The following ZKSCAN5 variants were observed in gnomAD, a reference collection of about 807,000 sequenced individuals.
ZKSCAN5 encodes zinc finger protein with KRAB and SCAN domains 5.
Under a neutral mutation model 60.0 loss-of-function variants are expected in ZKSCAN5, and 28 were observed. That is an observed-to-expected ratio of 0.47 (90% CI 0.35 to 0.64). The LOEUF (loss-of-function observed/expected upper bound fraction) is 0.64, where lower values mean the gene tolerates loss of function less well. Among genes scored for constraint, ZKSCAN5 ranks in the 30% least tolerant of loss-of-function variants. The pLI is 0.01. For missense variants in ZKSCAN5, 881 were observed against 1,034.6 expected (o/e 0.85, Z 2.04); for synonymous variants, 361 against 371.2 (o/e 0.97, Z 0.31).
intron 5 of ZKSCAN5, among the ~76,000 whole-genome samples, chr7:99,523,606 AAATC>A (rs58654797): frequency 2.6e-3 from 377 of 143,128 alleles, no homozygotes; most frequent in African/African-American, 6.4e-3. Context: ...ACCCAGTCTC[AAATC>A]AATCAATCAA....
chr7:99,527,470 T>G (rs1328969524), intron 6 of ZKSCAN5, among the ~76,000 whole-genome samples: 1 of 148,122 alleles, frequency 6.8e-6, no homozygotes, highest in Non-Finnish European at 1.5e-5. Context: ...GTATGTTTCC[T>G]TTTTTTTTTA....
chr7:99,507,462 C>CGTATATATGTGTATATATGTGTATATAT (rs1562901428), intron 2 of ZKSCAN5, among the ~76,000 whole-genome samples: 126 of 133,892 alleles, frequency 9.4e-4, no homozygotes, highest in African/African-American at 3.7e-3. Context: ...TATATATATG[C>CGTATATATGTGTATATATGTGTATATAT]GTATATATGT....
In ZKSCAN5 at chr7:99,519,137, G is replaced by A. The variant is rs544755430; in HGVS notation, c.554-690G>A. Among the ~76,000 whole-genome samples, 17 of 147,526 alleles carry A rather than the reference G, an allele frequency of 1.2e-4. No homozygotes were observed. In the East Asian group the frequency reaches 2.6e-3, roughly 23 times the overall value. On this transcript the variant is annotated intron_variant, in intron 3 of 6. Coordinates refer to ENST00000326775, the MANE Select transcript of ZKSCAN5 (RefSeq NM_145102.4). ...ACTACAGGCACCTGCCACCACACCC[G>A]GCTAATTTTTGTATTTTTAGTAGAG...
rs566304687 is a variant in ZKSCAN5, at chr7:99,532,751, G to A, written c.*502G>A. 6.4e-6 allele frequency: 1 copy of A among 155,960 alleles called. No homozygotes were observed. Among genetic ancestry groups the A allele is most frequent in the East Asian group, 1.9e-4 (1 of 5,268 alleles). 9.7% of individuals were successfully genotyped at this position (155,960 alleles called of 1,614,324 possible). A position where few individuals can be genotyped will look rare whatever the true frequency, so the allele number is the denominator to read the frequency against. On this transcript the variant is annotated 3_prime_UTR_variant, in exon 7 of 7. Coordinates refer to ENST00000326775, the MANE Select transcript of ZKSCAN5 (RefSeq NM_145102.4). ...TTATTCCAACCACTAGAATACCCTAGTCACTATTCCCACTTTGAGCATTAA... is the reference window on the plus strand; with the variant it reads ...TTATTCCAACCACTAGAATACCCTAATCACTATTCCCACTTTGAGCATTAA...
intron 5 of ZKSCAN5, among the ~76,000 whole-genome samples, chr7:99,523,370 T>G (rs973482821): frequency 1.3e-5 from 2 of 149,854 alleles, no homozygotes. Context: ...GCCTGTAATC[T>G]CAGCACTTTG....
rs746537203 is a variant in ZKSCAN5, at chr7:99,506,159, C to G, written c.115C>G (p.Gln39Glu). Reference sequence around the variant, plus strand: ...GGAAGAAGAAGACTGCACCTGGATGCAGGAGTACAACCCGCCAACGTTTGA... The same window carrying G: ...GGAAGAAGAAGACTGCACCTGGATGGAGGAGTACAACCCGCCAACGTTTGA... ...KVEEEDCTWMQEYNPPTFETF... is the reference protein window; with the variant it reads ...KVEEEDCTWMEEYNPPTFETF... The change falls in exon 2 of 7, where the codon CAG becomes GAG. Residue 39 changes from glutamine to glutamate, a missense_variant. By Grantham distance (29) the Gln-to-Glu change is conservative. Coordinates refer to ENST00000326775, the MANE Select transcript of ZKSCAN5 (RefSeq NM_145102.4). The G allele has an allele frequency of 6.2e-7, 1 of 1,614,186 alleles. No individual in the cohort carries two copies. The highest frequency in any genetic ancestry group is 1.1e-5 in the South Asian group (1 of 91,084).
At position 99,532,172 on chromosome 7, in the gene ZKSCAN5, A is replaced by G. The variant is rs2151120950; in HGVS notation, c.2443A>G (p.Ser815Gly). 6.2e-7 allele frequency: 1 copy of G among 1,613,590 alleles called. No homozygotes were observed. Among genetic ancestry groups the G allele is most frequent in the South Asian group, 1.1e-5 (1 of 91,076 alleles). The change falls in exon 7 of 7, where the codon AGC becomes GGC. Residue 815 changes from serine (S) to glycine (G), a missense_variant. Transcript: ENST00000326775. ...ECGMNFSWSC[S>G]LFKHLRSHER... is the part of the protein sequence containing the mutation. ...TGGAATGAATTTCAGCTGGAGTTGT[A>G]GCCTCTTTAAACACCTGAGAAGCCA...
chr7:99,525,553 C>T (rs1018294617), intron 5 of ZKSCAN5, among the ~76,000 whole-genome samples: 1 of 152,106 alleles, frequency 6.6e-6, no homozygotes, highest in African/African-American at 2.4e-5. Context: ...GTAAGTGCCA[C>T]ACTGAGAGGA....
Position 99,531,710 on chromosome 7 carries a change from C to G in ZKSCAN5, c.1981C>G (p.His661Asp). 1 of 1,614,174 alleles carries G rather than the reference C, an allele frequency of 6.2e-7. No individual in the cohort carries two copies. Among genetic ancestry groups the G allele is most frequent in the East Asian group, 2.2e-5 (1 of 44,886 alleles). ...HLRLHSREKSHQCRECGEIFF... is the reference protein window; with the variant it reads ...HLRLHSREKSDQCRECGEIFF... The stretch of plus-strand genomic sequence containing the variant: ...TCGACTCCACTCCCGAGAGAAATCC[C>G]ATCAGTGTCGTGAATGTGGGGAAAT... The change falls in exon 7 of 7, where the codon CAT (histidine) becomes GAT (aspartate). Residue 661 changes from histidine (H) to aspartate (D), a missense_variant. This residue lies in a region of ZKSCAN5 where 112 missense variants were observed against 182.4 expected (regional missense o/e 0.61). Coordinates refer to ENST00000326775, the MANE Select transcript of ZKSCAN5 (RefSeq NM_145102.4).
chr7:99,524,939 C>G (rs528102083), intron 5 of ZKSCAN5, among the ~76,000 whole-genome samples: 1 of 150,354 alleles, frequency 6.7e-6, no homozygotes, highest in African/African-American at 2.4e-5. Context: ...GAGGCCGAGG[C>G]GGGCAGATCA....
chr7:99,525,737 TC>T, intron 5 of ZKSCAN5, 75 bp from the exon 6 acceptor site: 1 of 1,524,630 alleles, frequency 6.6e-7, no homozygotes. Flanking sequence ...TGTCAGTTTC[TC>T]TTCATTATCC....
chr7:99,524,423 G>C (rs771818623), intron 5 of ZKSCAN5, among the ~76,000 whole-genome samples: 1 of 152,032 alleles, frequency 6.6e-6, no homozygotes, highest in Non-Finnish European at 1.5e-5. Flanking sequence ...TGTTGGTCAG[G>C]CTGGTCTCGA....
chr7:99,533,742 C>T lies in ZKSCAN5; in HGVS notation c.*1493C>T, dbSNP rs148584877. On this transcript the variant is annotated 3_prime_UTR_variant, in exon 7 of 7. Coordinates refer to ENST00000326775, the MANE Select transcript of ZKSCAN5 (RefSeq NM_145102.4). ...GCTAGACTTTTTCTGAGCCTTCATC[C>T]GTGCTAAGCTCTCTCCCTTCTCTAT... 3.3e-4 allele frequency: 133 copies of T among 398,238 alleles called. No homozygotes were observed. The East Asian group carries it at 3.7e-3, about 11-fold the overall frequency. 24.7% of individuals were successfully genotyped at this position (398,238 alleles called of 1,614,324 possible).
chr7:99,524,455 G>T (rs1012359301), intron 5 of ZKSCAN5, among the ~76,000 whole-genome samples: 4 of 152,054 alleles, frequency 2.6e-5, no homozygotes, highest in Non-Finnish European at 5.9e-5. Flanking sequence ...CAAGTGAACC[G>T]CCCGCCTTGG....
chr7:99,512,273 G>A (rs1004394353), intron 2 of ZKSCAN5, among the ~76,000 whole-genome samples, 180 bp from the exon 3 acceptor site: 9 of 152,144 alleles, frequency 5.9e-5, no homozygotes, highest in Non-Finnish European at 1.3e-4. Context: ...TTTGATGAAC[G>A]TCTTCTCCAA....
chr7:99,512,104 C>T (rs186574109), intron 2 of ZKSCAN5, among the ~76,000 whole-genome samples: 47 of 152,232 alleles, frequency 3.1e-4, no homozygotes, highest in African/African-American at 1.1e-3. Flanking sequence ...CCCTTCTCAA[C>T]CTTTAAGTGT....
In ZKSCAN5 at chr7:99,531,508, T is replaced by C; in HGVS notation, c.1779T>C (p.Thr593=). Residue 593 remains threonine, a synonymous_variant, in exon 7 of 7, where the codon ACT becomes ACC. Coordinates refer to ENST00000326775, the MANE Select transcript of ZKSCAN5 (RefSeq NM_145102.4). ...GCTACAACCAACGCGTGCACCTAAC[T>C]CAGCATCAGCGCGTCCACACAGGTG... The part of the protein sequence containing the change: ...GKSYNQRVHL[T]QHQRVHTGEK... The C allele has an allele frequency of 6.2e-7, 1 of 1,614,192 alleles. No homozygotes were observed. Among genetic ancestry groups the C allele is most frequent in the Non-Finnish European group, 8.5e-7 (1 of 1,180,040 alleles).
chr7:99,520,629 G>A (rs1801493900), intron 5 of ZKSCAN5, among the ~76,000 whole-genome samples: 1 of 152,082 alleles, frequency 6.6e-6, no homozygotes, highest in African/African-American at 2.4e-5. Context: ...CTAGCACTTT[G>A]GGAGGCCGAG....
Position 99,532,017 on chromosome 7 carries a change from A to G in ZKSCAN5, c.2288A>G (p.His763Arg), listed in dbSNP as rs910441842. 1 of 1,614,142 alleles carries G rather than the reference A, an allele frequency of 6.2e-7. No individual in the cohort carries two copies. Among genetic ancestry groups the G allele is most frequent in the African/African-American group, 1.3e-5 (1 of 74,952 alleles). The change falls in exon 7 of 7, where the codon CAT becomes CGT. Residue 763 changes from histidine (H) to arginine (R), a missense_variant. Physicochemically the swap from His to Arg is conservative, Grantham distance 29. Transcript: ENST00000326775. ...GGCCAGTGTTCCCACACCAAACAACATCAAAAAATCTACTCCAGCACAAAA... is the reference window on the plus strand; with the variant it reads ...GGCCAGTGTTCCCACACCAAACAACGTCAAAAAATCTACTCCAGCACAAAA... Reference protein sequence around the residue: ...NVGQCSHTKQHQKIYSSTKSH... With the variant: ...NVGQCSHTKQRQKIYSSTKSH...
Sources: gnomAD v4.1 joint callset for allele counts (sites outside exome capture counted in the v4.1 genomes callset) on GRCh38, gnomAD v4.1.1 for gene constraint, gnomAD v4.1.1 regional missense constraint, MANE v1.5 for transcripts, NCBI Gene and HGNC (gene_info 2026-07-23, HGNC 2026-07-21) for gene names.